The following MYO16 variants were observed in gnomAD, a reference collection of about 807,000 sequenced individuals.
MYO16 encodes unconventional myosin-XVI.
Under a neutral mutation model 205.3 loss-of-function variants are expected in MYO16, and 94 were observed. The ratio of observed to expected loss-of-function variants is 0.46; its 90% CI spans 0.39 to 0.54. MYO16 has a LOEUF of 0.54. MYO16 is among the 20% of genes least tolerant of loss of function. MYO16 has a pLI of 0.00. For synonymous variants in MYO16, 988 were observed against 954.0 expected (o/e 1.04, Z -0.66); for missense variants, 2,315 against 2,387.5 (o/e 0.97, Z 0.63).
intron 4 of MYO16, among the ~76,000 whole-genome samples, chr13:108,731,774 C>T (rs1460953306): frequency 6.6e-6 from 1 of 152,098 alleles, no homozygotes; most frequent in Non-Finnish European, 1.5e-5. Context: ...GAACATAAGG[C>T]CTGCCCTGAG....
At chr13:109,114,222 T>G (rs1484158330) in intron 28 of MYO16, among the ~76,000 whole-genome samples, 3 of 152,156 alleles carry the variant, frequency 2.0e-5, no homozygotes, top group Admixed American at 2.0e-4. Flanking sequence ...GAAAATGTGG[T>G]CCACAGACCA....
Position 108,988,676 on chromosome 13 carries a change from G to C in MYO16, c.2370-3700G>C, listed in dbSNP as rs554152044. On this transcript the variant is annotated intron_variant, in intron 20 of 34. Transcript: ENST00000457511. ...TTTGCCATCCTTGTAAGGGAGGGAG[G>C]TAGGTATGAAGTGACATGGTGTCAC... Among the ~76,000 whole-genome samples, 4 of 152,268 alleles carry C rather than the reference G, an allele frequency of 2.6e-5. No homozygotes were observed. The East Asian group carries it at 7.7e-4, about 29-fold the overall frequency.
At chr13:108,526,250 T>A in the MYO16 span, among the ~76,000 whole-genome samples, 1 of 152,168 alleles carries the variant, frequency 6.6e-6, no homozygotes, top group Non-Finnish European at 1.5e-5. Flanking sequence ...ATTATAAAAC[T>A]TATTAATTTA....
intron 2 of MYO16, among the ~76,000 whole-genome samples, chr13:108,701,132 A>G (rs1883292003): frequency 1.3e-5 from 2 of 152,124 alleles, no homozygotes; most frequent in Admixed American, 1.3e-4. Context: ...GACATTGCAG[A>G]TTTAGTTACG....
At chr13:108,725,396 T>G (rs981477586) in intron 3 of MYO16, among the ~76,000 whole-genome samples, 7 of 152,198 alleles carry the variant, frequency 4.6e-5, no homozygotes, top group African/African-American at 1.4e-4. Context: ...TTCAATATTT[T>G]TGTAAATAAT....
the MYO16 span, among the ~76,000 whole-genome samples, chr13:108,561,089 A>C: frequency 1.3e-5 from 2 of 152,314 alleles, no homozygotes; most frequent in South Asian, 4.1e-4. Context: ...CTGTCCCATA[A>C]GGTTGCTGAA....
chr13:109,066,325 T>C (rs901957213), intron 27 of MYO16, among the ~76,000 whole-genome samples: 2 of 152,224 alleles, frequency 1.3e-5, no homozygotes, highest in Non-Finnish European at 2.9e-5. Context: ...AGATGTTAAA[T>C]ATTCTTAACA....
chr13:108,843,583 T>A (rs1292447229), intron 9 of MYO16, among the ~76,000 whole-genome samples: 3 of 152,186 alleles, frequency 2.0e-5, no homozygotes, highest in African/African-American at 7.2e-5. Flanking sequence ...AATAATTATG[T>A]TTACATAGAT....
rs139192537 is a variant in MYO16, at chr13:109,017,325, G to A, written c.2596-2386G>A. 1.6e-3 allele frequency among the ~76,000 whole-genome samples: 248 copies of A among 152,242 alleles called. 1 individual carries two copies. Among genetic ancestry groups the A allele is most frequent in the Middle Eastern group, 0.01 (3 of 294 alleles). ...TCTTCTGGCTTTTACGGTTTCTGCC[G>A]AGAGATCCACTGTTAGTCTGATGGG... is the stretch of plus-strand genomic sequence containing the variant. On this transcript the variant is annotated intron_variant, in intron 22 of 34. Transcript: ENST00000457511.
the MYO16 span, among the ~76,000 whole-genome samples, chr13:108,550,524 C>G: frequency 6.6e-6 from 1 of 152,158 alleles, no homozygotes; most frequent in Non-Finnish European, 1.5e-5. Context: ...AATAGAGAAG[C>G]AAGCTGGTGA....
intron 21 of MYO16, among the ~76,000 whole-genome samples, chr13:108,997,343 A>G (rs1330925827): frequency 3.1e-4 from 1 of 3,270 alleles, no homozygotes. Flanking sequence ...AAAGAAAGAG[A>G]GAGAGAGAGA....
At chr13:108,888,536 T>A (rs1880009841) in intron 14 of MYO16, 59 bp downstream of exon 14, 29 of 1,239,342 alleles carry the variant, frequency 2.3e-5, no homozygotes, top group Non-Finnish European at 3.1e-5. Flanking sequence ...CAGTTGTCAT[T>A]TACAAATAGG....
chr13:109,098,802 C>T (rs1349748341), intron 27 of MYO16, among the ~76,000 whole-genome samples: 1 of 152,154 alleles, frequency 6.6e-6, no homozygotes, highest in Admixed American at 6.5e-5. Flanking sequence ...CACTGGTTGT[C>T]ATATAAAATC....
the MYO16 span, among the ~76,000 whole-genome samples, chr13:108,500,134 C>T: frequency 1.3e-5 from 2 of 151,526 alleles, no homozygotes; most frequent in African/African-American, 4.9e-5. Context: ...CACCTGACTC[C>T]TCACATCCAC....
chr13:108,705,266 T>C (rs1883465028), intron 2 of MYO16, among the ~76,000 whole-genome samples: 1 of 152,200 alleles, frequency 6.6e-6, no homozygotes. Flanking sequence ...CATCGTCTGC[T>C]CTTGTTATCT....
At chr13:108,762,064 A>G (rs9521013) in intron 4 of MYO16, among the ~76,000 whole-genome samples, 83,736 of 152,000 alleles carry the variant, frequency 0.55, 23,272 homozygotes, top group East Asian at 0.63. Context: ...GTACACATGA[A>G]TTAGCTCCCA....
chr13:109,058,033 T>C (rs543922577), intron 27 of MYO16, among the ~76,000 whole-genome samples: 1 of 152,228 alleles, frequency 6.6e-6, no homozygotes, highest in Admixed American at 6.5e-5. Flanking sequence ...CCTGGAGGCT[T>C]CTTAAAATAT....
chr13:108,714,592 C>CTG (rs572376937), intron 3 of MYO16, among the ~76,000 whole-genome samples: 32,249 of 146,610 alleles, frequency 0.22, 4,015 homozygotes, highest in East Asian at 0.55. Flanking sequence ...GTGTGTGTGT[C>CTG]TGTGTGTGTG....
At chr13:108,637,327 C>G (rs993260250) in intron 1 of MYO16, among the ~76,000 whole-genome samples, 2 of 152,092 alleles carry the variant, frequency 1.3e-5, no homozygotes, top group Admixed American at 1.3e-4. Flanking sequence ...TACTTGGGTA[C>G]CCTTCCTTTT....
Sources: gnomAD v4.1 joint callset for allele counts (sites outside exome capture counted in the v4.1 genomes callset) on GRCh38, gnomAD v4.1.1 for gene constraint, MANE v1.5 for transcripts, NCBI Gene and HGNC (gene_info 2026-07-23, HGNC 2026-07-21) for gene names.